The following PARVB variants were observed in gnomAD, a reference collection of about 807,000 sequenced individuals.
PARVB encodes parvin beta.
A neutral mutation model predicts 47.0 loss-of-function variants in PARVB; 46 were observed. That is an observed-to-expected ratio of 0.98 (90% CI 0.77 to 1.25). The LOEUF (loss-of-function observed/expected upper bound fraction) is 1.25, where lower values mean the gene tolerates loss of function less well. Ranked by LOEUF, PARVB falls within the 50% of genes most tolerant of loss-of-function variation. The pLI is 0.00. For missense variants in PARVB, 473 were observed against 471.6 expected (o/e 1.00, Z -0.03); for synonymous variants, 196 against 196.3 (o/e 1.00, Z 0.01).
chr22:44,050,367 G>A (rs2051186317), intron 1 of PARVB, among the ~76,000 whole-genome samples: 1 of 147,712 alleles, frequency 6.8e-6, no homozygotes, highest in Non-Finnish European at 1.5e-5. Flanking sequence ...TTTTAAGACT[G>A]AGTTTCGCTC....
chr22:44,028,270 C>T (rs1320493066), intron 1 of PARVB, among the ~76,000 whole-genome samples: 1 of 152,006 alleles, frequency 6.6e-6, no homozygotes, highest in Non-Finnish European at 1.5e-5. Flanking sequence ...CTATGCATCC[C>T]TCCGTTTCCC....
At chr22:44,098,615 G>A (rs1487610215) in intron 2 of PARVB, among the ~76,000 whole-genome samples, 1 of 152,072 alleles carries the variant, frequency 6.6e-6, no homozygotes. Flanking sequence ...GGGAGGCTGC[G>A]GAGGCCTTTG....
intron 11 of PARVB, among the ~76,000 whole-genome samples, chr22:44,158,796 A>G (rs560828251): frequency 3.3e-5 from 5 of 152,358 alleles, no homozygotes; most frequent in East Asian, 1.9e-4. Flanking sequence ...AAACTTGGCC[A>G]TGGATGGTCT....
At chr22:44,005,320 C>T (rs2050453718) in intron 2 of PARVB, among the ~76,000 whole-genome samples, 1 of 148,458 alleles carries the variant, frequency 6.7e-6, no homozygotes, top group South Asian at 2.1e-4. Flanking sequence ...GCTATATTGC[C>T]TAGGCTGGTG....
intron 2 of PARVB, among the ~76,000 whole-genome samples, chr22:44,013,314 T>G (rs1156587411): frequency 6.6e-6 from 1 of 152,206 alleles, no homozygotes; most frequent in African/African-American, 2.4e-5. Flanking sequence ...CGTATTGACT[T>G]TCTTTTCCCC....
intron 3 of PARVB, among the ~76,000 whole-genome samples, chr22:44,117,386 G>A (rs1253680387): frequency 2.0e-5 from 3 of 151,990 alleles, no homozygotes; most frequent in African/African-American, 7.3e-5. Flanking sequence ...TGTGGGCCAT[G>A]GGGGGTGGGG....
At chr22:44,025,097 G>A (rs534511951) in intron 1 of PARVB, among the ~76,000 whole-genome samples, 1 of 152,238 alleles carries the variant, frequency 6.6e-6, no homozygotes, top group African/African-American at 2.4e-5. Flanking sequence ...GGCCTCCTGG[G>A]AGATACATTC....
intron 1 of PARVB, among the ~76,000 whole-genome samples, chr22:44,064,266 C>T (rs1261280010): frequency 3.9e-5 from 6 of 152,332 alleles, no homozygotes; most frequent in South Asian, 2.1e-4. Flanking sequence ...GAAGCGTGGC[C>T]GTGGGGCCTT....
intron 2 of PARVB, among the ~76,000 whole-genome samples, chr22:44,000,937 CT>C (rs1384655281): frequency 1.3e-5 from 2 of 152,334 alleles, no homozygotes; most frequent in Non-Finnish European, 2.9e-5. Flanking sequence ...GTCAACATGT[CT>C]TCATTATGCA....
At chr22:44,142,845 C>G (rs1365916700) in intron 8 of PARVB, 1 of 152,256 alleles carries the variant, frequency 6.6e-6, no homozygotes, top group African/African-American at 2.4e-5. Context: ...GCAATTAGTT[C>G]CACCCCCGGC....
intron 12 of PARVB, among the ~76,000 whole-genome samples, chr22:44,167,267 G>A (rs1018908822): frequency 9.9e-5 from 15 of 152,200 alleles, no homozygotes; most frequent in Non-Finnish European, 2.9e-5. Context: ...TGGTGGGGTG[G>A]GTGTTTGGGG....
chr22:44,082,158 C>T (rs1314356907), intron 1 of PARVB, among the ~76,000 whole-genome samples: 1 of 152,128 alleles, frequency 6.6e-6, no homozygotes, highest in African/African-American at 2.4e-5. Flanking sequence ...TCCCACTGTG[C>T]ACCGCAAGGT....
chr22:44,001,946 G>A (rs531191916), intron 2 of PARVB, among the ~76,000 whole-genome samples: 29 of 152,344 alleles, frequency 1.9e-4, no homozygotes, highest in African/African-American at 6.5e-4. Context: ...GGGTAAAAGC[G>A]CTGAGATGTA....
At chr22:44,091,635 G>A (rs184375775) in intron 1 of PARVB, among the ~76,000 whole-genome samples, 11 of 152,154 alleles carry the variant, frequency 7.2e-5, no homozygotes, top group African/African-American at 2.4e-4. Flanking sequence ...TCACCCATGC[G>A]GTAGCCTGGT....
chr22:44,064,054 A>G (rs949412923), intron 1 of PARVB, among the ~76,000 whole-genome samples: 7 of 152,110 alleles, frequency 4.6e-5, no homozygotes, highest in African/African-American at 9.7e-5. Context: ...ATGCCCTGCC[A>G]TGCTGCCATG....
intron 1 of PARVB, among the ~76,000 whole-genome samples, chr22:44,047,155 A>G (rs1015129236): frequency 6.6e-6 from 1 of 152,172 alleles, no homozygotes; most frequent in African/African-American, 2.4e-5. Flanking sequence ...TGGCTAATGC[A>G]TAAAGAAAAG....
At chr22:44,043,524 C>T (rs1181041468) in intron 1 of PARVB, among the ~76,000 whole-genome samples, 3 of 152,052 alleles carry the variant, frequency 2.0e-5, no homozygotes, top group East Asian at 1.9e-4. Context: ...ACTACAGGTG[C>T]CCGCCACCAC....
Position 44,100,092 on chromosome 22 carries a change from A to G in PARVB, c.242A>G (p.Lys81Arg), listed in dbSNP as rs1198825023. Residue 81 changes from lysine (K) to arginine (R), a missense_variant, in exon 3 of 13, where the codon AAG (lysine) becomes AGG (arginine). Coordinates refer to ENST00000338758, the MANE Select transcript of PARVB (RefSeq NM_013327.5). ...CGCACGATGATTGACCCCACTTCCA[A>G]GGAAGACCCCAAGTTCAAGGAACTG... ...EERTMIDPTS[K>R]EDPKFKELVK... 2 of 1,613,934 alleles carry G rather than the reference A, an allele frequency of 1.2e-6. No individual in the cohort carries two copies. The highest frequency in any genetic ancestry group is 3.3e-5 in the Admixed American group (2 of 60,002).
intron 11 of PARVB, 42 bp from the exon 12 acceptor site, chr22:44,163,816 A>T (rs1236250224): frequency 6.6e-7 from 1 of 1,523,940 alleles, no homozygotes; most frequent in East Asian, 2.4e-5. Flanking sequence ...TGTGGGAACG[A>T]CTGTTGGACC....
Sources: gnomAD v4.1 joint callset for allele counts (sites outside exome capture counted in the v4.1 genomes callset) on GRCh38, gnomAD v4.1.1 for gene constraint, MANE v1.5 for transcripts, NCBI Gene and HGNC (gene_info 2026-07-23, HGNC 2026-07-21) for gene names.